DGKG: variants seen among roughly 807,000 people sequenced by gnomAD.
The protein encoded by DGKG is diacylglycerol kinase gamma.
A neutral mutation model predicts 105.3 loss-of-function variants in DGKG; 78 were observed. The observed-to-expected ratio is 0.74, with a 90% confidence interval of 0.62 to 0.89. The LOEUF (loss-of-function observed/expected upper bound fraction) is 0.89, where lower values mean the gene tolerates loss of function less well. Ranked by LOEUF, DGKG falls within the 40% of genes least tolerant of loss-of-function variation. The pLI, the probability that DGKG is intolerant of heterozygous loss-of-function variation, is 0.00. For synonymous variants in DGKG, 346 were observed against 367.1 expected (o/e 0.94, Z 0.66); for missense variants, 958 against 1,020.1 (o/e 0.94, Z 0.83).
At position 186,261,765 on chromosome 3, in the gene DGKG, G is replaced by A; in HGVS notation, c.1283C>T (p.Pro428Leu). 2 of 1,603,182 alleles carry A rather than the reference G, an allele frequency of 1.2e-6. No homozygotes were observed. The highest frequency in any genetic ancestry group is 1.7e-6 in the Non-Finnish European group (2 of 1,174,202). Reference sequence around the variant, plus strand: ...CAGCAGGGGGTGGGTACCCGGGGTGGGGATGATCTTATACTTGAAAGGTAA... The same window carrying A: ...CAGCAGGGGGTGGGTACCCGGGGTGAGGATGATCTTATACTTGAAAGGTAA... ...GELVMQYKII[P>L]TPGTHPLLVL... The change falls in exon 15 of 25, where the codon CCC (proline) becomes CTC (leucine). Residue 428 changes from proline to leucine, a missense_variant. By Grantham distance (98) the Pro-to-Leu change is moderately conservative. Around this residue, in one of 2 missense-constraint regions of DGKG, gnomAD observed 643 missense variants for 619.5 expected, o/e 1.04. Transcript: ENST00000265022.
At chr3:186,154,602 G>T (rs564526081) in intron 24 of DGKG, among the ~76,000 whole-genome samples, 2 of 141,024 alleles carry the variant, frequency 1.4e-5, no homozygotes, top group East Asian at 4.2e-4. Context: ...CCGAGATCGT[G>T]CCATTGCACT....
intron 24 of DGKG, among the ~76,000 whole-genome samples, chr3:186,156,164 T>A (rs2108471597): frequency 6.6e-6 from 1 of 152,316 alleles, no homozygotes; most frequent in Admixed American, 6.5e-5. Context: ...AATATGTCCC[T>A]TTTTCCTTAG....
intron 20 of DGKG, among the ~76,000 whole-genome samples, chr3:186,218,993 A>C (rs978137488): frequency 6.6e-6 from 1 of 152,142 alleles, no homozygotes; most frequent in African/African-American, 2.4e-5. Context: ...GGTATAACAG[A>C]AATGCAGAAC....
At chr3:186,202,664 A>G (rs534417603) in intron 21 of DGKG, among the ~76,000 whole-genome samples, 2 of 152,326 alleles carry the variant, frequency 1.3e-5, no homozygotes, top group African/African-American at 4.8e-5. Context: ...CCTTGGTGGT[A>G]GAAGACATAT....
intron 1 of DGKG, among the ~76,000 whole-genome samples, chr3:186,340,711 A>G (rs1726048598): frequency 6.6e-6 from 1 of 152,184 alleles, no homozygotes; most frequent in African/African-American, 2.4e-5. Flanking sequence ...AAAACTAAAC[A>G]ACTAACTTTT....
chr3:186,161,883 G>GTC lies in DGKG; in HGVS notation c.2217-221_2217-220insGA, dbSNP rs1716307379. Among the ~76,000 whole-genome samples the GTC allele has an allele frequency of 3.4e-5, 5 of 147,336 alleles. No homozygotes were observed. The South Asian group carries it at 1.1e-3, about 34-fold the overall frequency. ...GCCAGGCCCAGTGGTCTGTGTTTCT[G>GTC]TGTCTGTGTGTGTGTGTGTGTGTGT... On this transcript the variant is annotated intron_variant, in intron 23 of 24. Transcript: ENST00000265022.
chr3:186,324,363 T>C (rs1725234140), intron 1 of DGKG, among the ~76,000 whole-genome samples: 1 of 152,122 alleles, frequency 6.6e-6, no homozygotes, highest in Non-Finnish European at 1.5e-5. Flanking sequence ...ACTGGGTTGG[T>C]GTTAGGATTA....
At chr3:186,261,344 C>T (rs1394291659) in intron 15 of DGKG, among the ~76,000 whole-genome samples, 5 of 152,126 alleles carry the variant, frequency 3.3e-5, no homozygotes, top group Non-Finnish European at 5.9e-5. Context: ...TCCTAATCAA[C>T]GGGCTGCCCA....
chr3:186,320,562 G>A lies in DGKG; in HGVS notation c.-103C>T. 1 of 1,590,898 alleles carries A rather than the reference G, an allele frequency of 6.3e-7. No homozygotes were observed. The highest frequency in any genetic ancestry group is 8.6e-7 in the Non-Finnish European group (1 of 1,167,382). On this transcript the variant is annotated 5_prime_UTR_variant, in exon 2 of 25. Coordinates refer to ENST00000265022, the MANE Select transcript of DGKG (RefSeq NM_001346.3). ...GCCTGGCTCATTGCAGGTTTGCGAT[G>A]TAAGCCTTTCAGGAGACTTCTGGGA...
At chr3:186,213,219 A>G (rs1259327224) in intron 20 of DGKG, among the ~76,000 whole-genome samples, 1 of 152,246 alleles carries the variant, frequency 6.6e-6, no homozygotes, top group African/African-American at 2.4e-5. Context: ...GAACAAAATT[A>G]GAAGAGCTGG....
chr3:186,317,796 C>T (rs138619862), intron 2 of DGKG, among the ~76,000 whole-genome samples: 1 of 152,306 alleles, frequency 6.6e-6, no homozygotes, highest in East Asian at 1.9e-4. Flanking sequence ...TTGTCTTCCC[C>T]TGTGAGGCAG....
chr3:186,262,201 C>T (rs1322956948), intron 14 of DGKG, among the ~76,000 whole-genome samples: 1 of 152,196 alleles, frequency 6.6e-6, no homozygotes, highest in Non-Finnish European at 1.5e-5. Flanking sequence ...TCCAAATGCT[C>T]ATTTCCGGCC....
intron 11 of DGKG, 122 bp from the exon 12 acceptor site, chr3:186,269,039 G>C: frequency 1.5e-6 from 1 of 674,036 alleles, no homozygotes; most frequent in Non-Finnish European, 2.6e-6. Flanking sequence ...TTCCTATTTA[G>C]AGGATGCTTA....
chr3:186,301,879 T>G (rs2108618605), intron 3 of DGKG, among the ~76,000 whole-genome samples: 1 of 152,330 alleles, frequency 6.6e-6, no homozygotes, highest in South Asian at 2.1e-4. Flanking sequence ...TTGTAGTTAC[T>G]TCAAGCTCTG....
chr3:186,326,397 T>TCAAAAAAAAAAAAAAA (rs1560156258), intron 1 of DGKG, among the ~76,000 whole-genome samples: 4 of 149,724 alleles, frequency 2.7e-5, no homozygotes, highest in African/African-American at 1.0e-4. Context: ...AGACACTGTC[T>TCAAAAAAAAAAAAAAA]TAAAAAAAAA....
chr3:186,301,380 C>T (rs546840479), intron 3 of DGKG, among the ~76,000 whole-genome samples: 1 of 152,206 alleles, frequency 6.6e-6, no homozygotes, highest in Non-Finnish European at 1.5e-5. Context: ...GTAATCCCAG[C>T]TCTTTGGGAG....
intron 1 of DGKG, among the ~76,000 whole-genome samples, chr3:186,342,357 G>C (rs564578202): frequency 6.6e-6 from 1 of 152,300 alleles, no homozygotes; most frequent in Admixed American, 6.5e-5. Flanking sequence ...GGAAGAAATG[G>C]AGGGTGGATT....
intron 1 of DGKG, among the ~76,000 whole-genome samples, chr3:186,324,692 A>C (rs1725250750): frequency 1.3e-5 from 2 of 152,174 alleles, no homozygotes; most frequent in South Asian, 4.1e-4. Flanking sequence ...ACAAAAACAG[A>C]TACTGGTGAG....
intron 9 of DGKG, among the ~76,000 whole-genome samples, chr3:186,277,607 T>A (rs1055660336): frequency 6.6e-6 from 1 of 152,212 alleles, no homozygotes; most frequent in Non-Finnish European, 1.5e-5. Context: ...AGTAGCTAAG[T>A]CAGTTAGCTC....
Sources: allele counts gnomAD v4.1 joint callset (sites outside exome capture counted in the v4.1 genomes callset), GRCh38; gene constraint gnomAD v4.1.1; regional missense constraint gnomAD v4.1.1; transcripts MANE v1.5; gene names NCBI Gene and HGNC (gene_info 2026-07-23, HGNC 2026-07-21).